RGS21: variants seen among roughly 807,000 people sequenced by gnomAD.
RGS21 encodes regulator of G protein signaling 21, also known as regulator of G-protein signalling 21.
Under a neutral mutation model 18.7 loss-of-function variants are expected in RGS21, and 19 were observed. The ratio of observed to expected loss-of-function variants is 1.01; its 90% CI spans 0.71 to 1.49. The LOEUF (loss-of-function observed/expected upper bound fraction) is 1.49, where lower values mean the gene tolerates loss of function less well. Ranked by LOEUF, RGS21 falls within the 40% of genes most tolerant of loss-of-function variation. The pLI, the probability that RGS21 is intolerant of heterozygous loss-of-function variation, is 0.00. For synonymous variants in RGS21, 56 were observed against 57.8 expected (o/e 0.97, Z 0.14); for missense variants, 194 against 176.8 (o/e 1.10, Z -0.55).
chr1:192,325,693 C>T (rs900937994), intron 1 of RGS21, among the ~76,000 whole-genome samples: 14 of 151,994 alleles, frequency 9.2e-5, no homozygotes, highest in African/African-American at 3.4e-4. Context: ...TTGCATGTCT[C>T]TGATTAGTGA....
chr1:192,339,816 G>T (rs1226922875), intron 1 of RGS21, among the ~76,000 whole-genome samples: 3 of 151,954 alleles, frequency 2.0e-5, no homozygotes, highest in Non-Finnish European at 4.4e-5. Flanking sequence ...AAATATTATA[G>T]CTCTAAAGTG....
chr1:192,351,590 A>G (rs1012768692), intron 3 of RGS21, among the ~76,000 whole-genome samples: 6 of 151,504 alleles, frequency 4.0e-5, no homozygotes, highest in African/African-American at 1.2e-4. Flanking sequence ...AGATTTCTCA[A>G]ATACAGAAAG....
chr1:192,345,871 A>G (rs1470915342), intron 2 of RGS21, among the ~76,000 whole-genome samples: 1 of 152,090 alleles, frequency 6.6e-6, no homozygotes, highest in Non-Finnish European at 1.5e-5. Flanking sequence ...GAAATATAAC[A>G]TAAGCTTATT....
intron 1 of RGS21, among the ~76,000 whole-genome samples, chr1:192,325,436 G>A (rs780832314): frequency 1.1e-4 from 17 of 151,918 alleles, no homozygotes; most frequent in Non-Finnish European, 2.4e-4. Context: ...GTGTCTTTTC[G>A]GTAGAACAAT....
chr1:192,365,063 A>G (rs1314205771), intron 4 of RGS21, among the ~76,000 whole-genome samples: 1 of 151,732 alleles, frequency 6.6e-6, no homozygotes, highest in Non-Finnish European at 1.5e-5. Context: ...TTGAATTTGG[A>G]AGGCAAAGGT....
At chr1:192,360,984 C>T (rs1333237912) in intron 4 of RGS21, among the ~76,000 whole-genome samples, 1 of 151,842 alleles carries the variant, frequency 6.6e-6, no homozygotes, top group Non-Finnish European at 1.5e-5. Context: ...AGCACCTACT[C>T]CATAAATACT....
chr1:192,361,368 A>G (rs1189030901), intron 4 of RGS21, among the ~76,000 whole-genome samples: 1 of 152,138 alleles, frequency 6.6e-6, no homozygotes, highest in Non-Finnish European at 1.5e-5. Flanking sequence ...AGACCTGTGG[A>G]GAATAAAAAA....
At chr1:192,343,618 T>C (rs1658905906) in intron 2 of RGS21, among the ~76,000 whole-genome samples, 1 of 152,078 alleles carries the variant, frequency 6.6e-6, no homozygotes, top group Non-Finnish European at 1.5e-5. Context: ...TCTGGACATA[T>C]AATATGGGTA....
intron 1 of RGS21, among the ~76,000 whole-genome samples, chr1:192,319,554 A>T (rs546985246): frequency 6.6e-6 from 1 of 152,232 alleles, no homozygotes; most frequent in Non-Finnish European, 1.5e-5. Flanking sequence ...CATATTTTTT[A>T]AAAATAATAC....
intron 1 of RGS21, among the ~76,000 whole-genome samples, chr1:192,331,482 G>A (rs1213357643): frequency 1.3e-5 from 2 of 151,938 alleles, no homozygotes; most frequent in East Asian, 1.9e-4. Flanking sequence ...GGGAGGCGGA[G>A]GTTGCAGTGA....
At chr1:192,359,801 T>G (rs1659163330) in intron 4 of RGS21, among the ~76,000 whole-genome samples, 1 of 148,882 alleles carries the variant, frequency 6.7e-6, no homozygotes, top group South Asian at 2.1e-4. Context: ...TATATACACA[T>G]AGTAAGTTAT....
At chr1:192,324,669 A>C (rs1658542206) in intron 1 of RGS21, among the ~76,000 whole-genome samples, 2 of 152,072 alleles carry the variant, frequency 1.3e-5, no homozygotes. Context: ...CATAATTATA[A>C]AACACACACA....
At chr1:192,364,621 T>C (rs764919823) in intron 4 of RGS21, among the ~76,000 whole-genome samples, 1 of 152,092 alleles carries the variant, frequency 6.6e-6, no homozygotes, top group Middle Eastern at 3.2e-3. Context: ...TTAACCTCAA[T>C]TTAGTGCACC....
intron 1 of RGS21, among the ~76,000 whole-genome samples, chr1:192,330,999 G>A (rs1658639599): frequency 2.0e-5 from 3 of 152,162 alleles, no homozygotes; most frequent in Non-Finnish European, 4.4e-5. Context: ...TGATTATGAT[G>A]TAGTAGATTG....
At chr1:192,346,009 A>G (rs530766849) in intron 2 of RGS21, among the ~76,000 whole-genome samples, 4 of 152,190 alleles carry the variant, frequency 2.6e-5, no homozygotes, top group South Asian at 2.1e-4. Context: ...TGAATGAAAA[A>G]AAACACCATT....
At chr1:192,330,508 A>G (rs1658631037) in intron 1 of RGS21, among the ~76,000 whole-genome samples, 1 of 152,228 alleles carries the variant, frequency 6.6e-6, no homozygotes, top group Non-Finnish European at 1.5e-5. Context: ...AAGTCATCTT[A>G]AAAGGTTTAC....
intron 4 of RGS21, among the ~76,000 whole-genome samples, chr1:192,354,336 G>A (rs1198711062): frequency 6.6e-6 from 1 of 151,610 alleles, no homozygotes; most frequent in Non-Finnish European, 1.5e-5. Flanking sequence ...TAGATTTGCG[G>A]TGTGGTTCAC....
intron 4 of RGS21, among the ~76,000 whole-genome samples, chr1:192,360,713 C>T (rs1249166140): frequency 6.6e-6 from 1 of 152,108 alleles, no homozygotes; most frequent in Admixed American, 6.6e-5. Flanking sequence ...TGATTTGGCA[C>T]CTTTATGCCT....
intron 4 of RGS21, among the ~76,000 whole-genome samples, chr1:192,362,168 T>G (rs1028768411): frequency 6.6e-6 from 1 of 152,138 alleles, no homozygotes; most frequent in African/African-American, 2.4e-5. Flanking sequence ...AATGCCACAC[T>G]GAGATGTTTA....
Sources: allele counts gnomAD v4.1 joint callset (sites outside exome capture counted in the v4.1 genomes callset), GRCh38; gene constraint gnomAD v4.1.1; transcripts MANE v1.5; gene names NCBI Gene and HGNC (gene_info 2026-07-23, HGNC 2026-07-21).